APH1A: variants seen among roughly 807,000 people sequenced by gnomAD.
APH1A encodes gamma-secretase subunit APH-1A.
A neutral mutation model predicts 30.3 loss-of-function variants in APH1A; 16 were observed. The observed-to-expected ratio is 0.53, with a 90% CI of 0.36 to 0.80. APH1A has a LOEUF of 0.80. Among genes scored for constraint, APH1A ranks in the 30% least tolerant of loss-of-function variants. APH1A has a pLI of 0.01. For missense variants in APH1A, 245 were observed against 337.8 expected, an observed-to-expected ratio of 0.73 and a Z score of 2.15; for synonymous variants, 144 against 140.1, an observed-to-expected ratio of 1.03 and a Z score of -0.20.
chr1:150,268,290 G>A, intron 1 of APH1A, 163 bp from the exon 2 acceptor site: 1 of 770,136 alleles, frequency 1.3e-6, no homozygotes, highest in African/African-American at 1.8e-5. Flanking sequence ...AGACTCATCT[G>A]TAGAAAAGTG....
Position 150,267,802 on chromosome 1 carries a change from GGGGTA to G in APH1A, c.285-18_285-14del. ...CTCATCTGCCTTCCTGGGGTGGGGT[GGGGTA>G]GGGGAAACATGAGGGAGGGCAGGGA... On this transcript the variant is annotated splice_polypyrimidine_tract_variant and intron_variant, in intron 2 of 6. Transcript: ENST00000369109. 2 of 1,613,196 alleles carry G rather than the reference GGGGTA, an allele frequency of 1.2e-6. No homozygotes were observed. Among genetic ancestry groups the G allele is most frequent in the Non-Finnish European group, 1.7e-6 (2 of 1,179,468 alleles).
chr1:150,266,120 CT>C lies in APH1A; in HGVS notation c.*9del, dbSNP rs1553849752. The C allele has an allele frequency of 2.5e-6, 4 of 1,588,862 alleles. No individual in the cohort carries two copies. Among genetic ancestry groups the C allele is most frequent in the East Asian group, 4.6e-5 (2 of 43,566 alleles). ...GGCACCCCAGGCCCAGGGGTCCCCC[CT>C]AGGTTCCCTCAGTCCTCGGGTGGGA... On this transcript the variant is annotated 3_prime_UTR_variant, in exon 7 of 7. Coordinates refer to ENST00000369109, the MANE Select transcript of APH1A (RefSeq NM_001077628.3).
At position 150,267,168 on chromosome 1, in the gene APH1A, G is replaced by C; in HGVS notation, c.516C>G (p.Thr172=). The C allele has an allele frequency of 6.2e-7, 1 of 1,614,164 alleles. No homozygotes were observed. Among genetic ancestry groups the C allele is most frequent in the South Asian group, 1.1e-5 (1 of 91,074 alleles). ...CATCAAAGAACACAACTCCCCAAAA[G>C]GTATGGAGCAGGATAATGGCTGCTG... is the stretch of plus-strand genomic sequence containing the variant. ...FLTAAIILLH[T]FWGVVFFDAC... The change falls in exon 5 of 7, where the codon ACC becomes ACG. Residue 172 remains threonine, a synonymous_variant. Transcript: ENST00000369109.
At position 150,268,099 on chromosome 1, in the gene APH1A, G is replaced by C; in HGVS notation, c.142C>G (p.Leu48Val). 1 of 1,614,122 alleles carries C rather than the reference G, an allele frequency of 6.2e-7. No individual in the cohort carries two copies. Residue 48 changes from leucine to valine, a missense_variant, in exon 2 of 7, where the codon CTG becomes GTG. Coordinates refer to ENST00000369109, the MANE Select transcript of APH1A (RefSeq NM_001077628.3). ...GAFFWLVSLL[L>V]ASVVWFILVH... Reference sequence around the variant, plus strand: ...AAGATGAACCAGACCACAGAGGCCAGGAGCAGGGAGACCAGCCAGAAAAAT... The same window carrying C: ...AAGATGAACCAGACCACAGAGGCCACGAGCAGGGAGACCAGCCAGAAAAAT...
rs1553849368 is a variant in APH1A at position 150,265,414 on chromosome 1, T to C, written c.*716A>G. 6.6e-6 allele frequency: 1 copy of C among 152,196 alleles called. No individual in the cohort carries two copies. Among genetic ancestry groups the C allele is most frequent in the Non-Finnish European group, 1.5e-5 (1 of 68,040 alleles). 9.4% of individuals were successfully genotyped at this position (152,196 alleles called of 1,614,324 possible). On this transcript the variant is annotated 3_prime_UTR_variant, in exon 7 of 7. Transcript: ENST00000369109. ...CAAGTTCCCCCACAATTACAAATTC[T>C]TTTTTATTAGTCAAAATCACAATCA...
chr1:150,268,574 C>T, intron 1 of APH1A, 124 bp downstream of exon 1: 1 of 967,036 alleles, frequency 1.0e-6, no homozygotes, highest in Non-Finnish European at 1.6e-6. Flanking sequence ...CCCTCACCTC[C>T]GCCCAAACTT....
At chr1:150,266,364 C>T (rs1651711567) in intron 6 of APH1A, 169 bp downstream of exon 6, 2 of 1,484,942 alleles carry the variant, frequency 1.3e-6, no homozygotes, top group African/African-American at 2.8e-5. Flanking sequence ...AGCTTAGAGA[C>T]TAACGGTCAC....
chr1:150,267,752 C>A lies in APH1A; in HGVS notation c.322G>T (p.Gly108Ter). 6.2e-7 allele frequency: 1 copy of A among 1,609,820 alleles called. No individual in the cohort carries two copies. The highest frequency in any genetic ancestry group is 8.5e-7 in the Non-Finnish European group (1 of 1,178,198). The change falls in exon 3 of 7, where the codon GGA (glycine) becomes TGA (stop). Residue 108 changes from glycine to a stop codon, truncating the protein, a stop_gained. Transcript: ENST00000369109. LOFTEE classifies it high-confidence loss of function. ...TGGCGGATGGAGATGGGTGATCTTC[C>A]GTCCTCACTCAGCGATGCTAACCCC... ...DEGLASLSED[G>*]RSPISIRQMA... is the part of the protein sequence containing the mutation.
rs1572086007 is a variant in APH1A at position 150,266,676 on chromosome 1, T to C, written c.610-20A>G. On this transcript the variant is annotated intron_variant, in intron 5 of 6. Transcript: ENST00000369109. ...GAATGTCTAGGAAGGAGGGTAAGAG[T>C]AGGAAAGAGATTAGATTCTCCCTCG... 1.9e-6 allele frequency: 3 copies of C among 1,613,084 alleles called. No individual in the cohort carries two copies. Among genetic ancestry groups the C allele is most frequent in the Non-Finnish European group, 1.7e-6 (2 of 1,179,474 alleles).
Position 150,268,745 on chromosome 1 carries a change from C to G in APH1A, c.66G>C (p.Leu22Phe), listed in dbSNP as rs1553850489. 6.2e-7 allele frequency: 1 copy of G among 1,613,802 alleles called. No homozygotes were observed. The highest frequency in any genetic ancestry group is 1.1e-5 in the South Asian group (1 of 91,024). The change falls in exon 1 of 7, where the codon TTG becomes TTC. Residue 22 changes from leucine (L) to phenylalanine (F), a missense_variant. Transcript: ENST00000369109. Reference sequence around the variant, plus strand: ...GAAGCGGGTCCCCAGCCACAGTGATCAAGAAAAGCGCGAAGGCCGGGCCGA... The same window carrying G: ...GAAGCGGGTCCCCAGCCACAGTGATGAAGAAAAGCGCGAAGGCCGGGCCGA... ...VAFGPAFALFLITVAGDPLRV... is the reference protein window; with the variant it reads ...VAFGPAFALFFITVAGDPLRV...
intron 6 of APH1A, 89 bp from the exon 7 acceptor site, chr1:150,266,283 A>G (rs1651703276): frequency 1.3e-6 from 2 of 1,523,854 alleles, no homozygotes; most frequent in South Asian, 1.2e-5. Context: ...GGGGGTCCCC[A>G]GGTGGTGGGG....
rs200955813 is a variant in APH1A at position 150,267,063 on chromosome 1, T to A, written c.609+12A>T. The A allele has an allele frequency of 3.1e-6, 5 of 1,613,854 alleles. No homozygotes were observed. Among genetic ancestry groups the A allele is most frequent in the Non-Finnish European group, 4.2e-6 (5 of 1,179,974 alleles). On this transcript the variant is annotated intron_variant, in intron 5 of 6. Coordinates refer to ENST00000369109, the MANE Select transcript of APH1A (RefSeq NM_001077628.3). ...CTTTTCTCCCTAACTCAGGCCCCTG[T>A]CTCCAACTCACCAGTCCCGATGTCA...
At chr1:150,267,642 T>C (rs1651843848) in intron 3 of APH1A, 74 bp downstream of exon 3, 3 of 1,570,314 alleles carry the variant, frequency 1.9e-6, no homozygotes, top group African/African-American at 1.3e-5. Flanking sequence ...ACTTAGAACA[T>C]GTGGATATTT....
chr1:150,267,414 T>C lies in APH1A; in HGVS notation c.423A>G (p.Ala141=). Residue 141 remains alanine, a synonymous_variant, in exon 4 of 7, where the codon GCA becomes GCG. Transcript: ENST00000369109. ...VFSVINILAD[A]LGPGVVGIHG... ...GGATCCCAACCACACCTGGCCCAAG[T>C]GCATCAGCCAAAATATTGATAACAG... The C allele has an allele frequency of 6.2e-7, 1 of 1,614,114 alleles. No homozygotes were observed. The highest frequency in any genetic ancestry group is 8.5e-7 in the Non-Finnish European group (1 of 1,180,020).
intron 5 of APH1A, 97 bp downstream of exon 5, chr1:150,266,978 A>G (rs1651778464): frequency 6.5e-7 from 1 of 1,547,826 alleles, no homozygotes; most frequent in Non-Finnish European, 8.7e-7. Context: ...CTCCCAGGTA[A>G]GTTAAAAATG....
Position 150,267,704 on chromosome 1 carries a change from C to T in APH1A, c.358+12G>A. ...TCCAACTCCCTCCTCCAGTCCCTCTCCCTTGGCTCACCATAGGCCATCTGG... is the reference window on the plus strand; with the variant it reads ...TCCAACTCCCTCCTCCAGTCCCTCTTCCTTGGCTCACCATAGGCCATCTGG... On this transcript the variant is annotated intron_variant, in intron 3 of 6. Coordinates refer to ENST00000369109, the MANE Select transcript of APH1A (RefSeq NM_001077628.3). 2 of 1,608,932 alleles carry T rather than the reference C, an allele frequency of 1.2e-6. No homozygotes were observed. The highest frequency in any genetic ancestry group is 1.7e-6 in the Non-Finnish European group (2 of 1,177,438).
At position 150,266,010 on chromosome 1, in the gene APH1A, C is replaced by A; in HGVS notation, c.*120G>T. The A allele has an allele frequency of 8.4e-7, 1 of 1,186,322 alleles. No homozygotes were observed. Among genetic ancestry groups the A allele is most frequent in the Non-Finnish European group, 1.2e-6 (1 of 853,296 alleles). The allele number at this position is 1,186,322 out of a possible 1,614,324, so 73.5% of individuals were successfully genotyped here. A position where few individuals can be genotyped will look rare whatever the true frequency, so the allele number is the denominator to read the frequency against. On this transcript the variant is annotated 3_prime_UTR_variant, in exon 7 of 7. Coordinates refer to ENST00000369109, the MANE Select transcript of APH1A (RefSeq NM_001077628.3). ...GCCTCCATTAATTTCATCTCCAGGGCAATGGCTAAACTAGGTCCCTTTTCT... is the reference window on the plus strand; with the variant it reads ...GCCTCCATTAATTTCATCTCCAGGGAAATGGCTAAACTAGGTCCCTTTTCT...
At chr1:150,266,964 C>T in intron 5 of APH1A, 111 bp downstream of exon 5, 1 of 1,513,840 alleles carries the variant, frequency 6.6e-7, no homozygotes, top group South Asian at 1.3e-5. Context: ...CACCTTTCCT[C>T]CTCCTCCCAG....
chr1:150,268,435 G>C (rs782295116), intron 1 of APH1A: 1 of 587,236 alleles, frequency 1.7e-6, no homozygotes, highest in African/African-American at 1.9e-5. Flanking sequence ...GCCTAGGTCA[G>C]CACAGCCCCC....
Sources: allele counts gnomAD v4.1 joint callset, GRCh38; gene constraint gnomAD v4.1.1; transcripts MANE v1.5; gene names NCBI Gene and HGNC (gene_info 2026-07-23, HGNC 2026-07-21).